DTNB: variants seen among roughly 807,000 people sequenced by gnomAD.
The protein encoded by DTNB is dystrobrevin beta.
In DTNB, 63 loss-of-function variants were observed where a neutral mutation model predicts 90.7. The ratio of observed to expected loss-of-function variants is 0.69; its 90% CI spans 0.57 to 0.86. The LOEUF is 0.86. Among genes scored for constraint, DTNB ranks in the 40% least tolerant of loss-of-function variants. The pLI, the probability that DTNB is intolerant of heterozygous loss-of-function variation, is 0.00. For missense variants in DTNB, 744 were observed against 807.1 expected, an observed-to-expected ratio of 0.92 and a Z score of 0.95; for synonymous variants, 277 against 286.7, an observed-to-expected ratio of 0.97 and a Z score of 0.34.
At chr2:25,534,526 T>C (rs911285325) in intron 8 of DTNB, among the ~76,000 whole-genome samples, 20 of 152,048 alleles carry the variant, frequency 1.3e-4, no homozygotes, top group African/African-American at 4.8e-4. Flanking sequence ...TCTTCGGAGC[T>C]GCTGGGTACA....
intron 8 of DTNB, among the ~76,000 whole-genome samples, chr2:25,538,452 T>C (rs2080351630): frequency 1.3e-5 from 2 of 152,126 alleles, no homozygotes; most frequent in Non-Finnish European, 2.9e-5. Flanking sequence ...AATGTGTTTG[T>C]ACAGTTTTCT....
chr2:25,664,539 G>A (rs570112624), intron 1 of DTNB, among the ~76,000 whole-genome samples: 4 of 152,220 alleles, frequency 2.6e-5, no homozygotes, highest in East Asian at 3.9e-4. Flanking sequence ...CTTACCGTAC[G>A]TGACAGACAT....
chr2:25,424,301 C>A lies in DTNB; in HGVS notation c.1554+3234G>T, dbSNP rs1272386601. On this transcript the variant is annotated intron_variant, in intron 15 of 20. Transcript: ENST00000406818. The surrounding 1 kb of genome is among the most constrained non-coding windows in gnomAD (Gnocchi z 4.1). ...ATCCTACAGGGGCAGCAGTGTCCTG[C>A]TTATTTTTCTGAAATTACTGCTGCA... Among the ~76,000 whole-genome samples the A allele has an allele frequency of 6.6e-6, 1 of 152,160 alleles. No individual in the cohort carries two copies. Among genetic ancestry groups the A allele is most frequent in the African/African-American group, 2.4e-5 (1 of 41,416 alleles).
rs1270629413 is a variant in DTNB at position 25,634,784 on chromosome 2, T to G, written c.148+4230A>C. Among the ~76,000 whole-genome samples the G allele has an allele frequency of 3.5e-5, 4 of 114,284 alleles. 1 individual carries two copies. Among genetic ancestry groups the G allele is most frequent in the Non-Finnish European group, 8.2e-5 (4 of 48,726 alleles). 75.0% of individuals were successfully genotyped at this position (114,284 alleles called of 152,430 possible). A position where few individuals can be genotyped will look rare whatever the true frequency, so the allele number is the denominator to read the frequency against. On this transcript the variant is annotated intron_variant, in intron 3 of 20. Coordinates refer to ENST00000406818, the MANE Select transcript of DTNB (RefSeq NM_021907.5). ...CCAACCCTGTGCTCTCTGAAACATG[T>G]GCTGTGTCCACTCAGGGTTAAATGG...
chr2:25,546,240 T>C (rs1206897324), intron 8 of DTNB, among the ~76,000 whole-genome samples: 3 of 152,204 alleles, frequency 2.0e-5, no homozygotes, highest in African/African-American at 7.2e-5. Flanking sequence ...ACAGGACCTT[T>C]CCCTATAATA....
chr2:25,596,324 CA>C (rs1325353104), intron 5 of DTNB, 84 bp from the exon 6 acceptor site: 4 of 1,353,112 alleles, frequency 3.0e-6, no homozygotes, highest in Middle Eastern at 4.5e-4. Context: ...GTATACCAAA[CA>C]AAAAGTATCA....
chr2:25,478,657 C>T (rs2064248355), intron 10 of DTNB, among the ~76,000 whole-genome samples: 1 of 152,048 alleles, frequency 6.6e-6, no homozygotes, highest in Non-Finnish European at 1.5e-5. Context: ...ACCTCAGCCT[C>T]CTCTCTCTCT....
chr2:25,582,450 G>A (rs989615355), intron 6 of DTNB, among the ~76,000 whole-genome samples: 1 of 152,078 alleles, frequency 6.6e-6, no homozygotes, highest in African/African-American at 2.4e-5. Flanking sequence ...TGCTTAATGG[G>A]GAATAGAAAA....
chr2:25,490,454 T>A (rs2150454707), intron 9 of DTNB, among the ~76,000 whole-genome samples: 1 of 152,256 alleles, frequency 6.6e-6, no homozygotes, highest in Admixed American at 6.5e-5. Context: ...AATATGTCCA[T>A]CAAAGATCTT....
At chr2:25,554,499 G>T (rs1257251255) in intron 8 of DTNB, among the ~76,000 whole-genome samples, 1 of 152,064 alleles carries the variant, frequency 6.6e-6, no homozygotes, top group African/African-American at 2.4e-5. Flanking sequence ...AGCCAGCTTG[G>T]AGAGTAATTT....
At chr2:25,385,183 ATCCTT>A (rs2039130983) in intron 18 of DTNB, among the ~76,000 whole-genome samples, 1 of 152,120 alleles carries the variant, frequency 6.6e-6, no homozygotes, top group African/African-American at 2.4e-5. Flanking sequence ...TGTGGCCTCG[ATCCTT>A]TCCAATTCTA....
Position 25,550,114 on chromosome 2 carries a change from G to A in DTNB, c.877-18517C>T, listed in dbSNP as rs543861531. On this transcript the variant is annotated intron_variant, in intron 8 of 20. Transcript: ENST00000406818. ...TAAAGACGCTATGCTATTGTTGGCC[G>A]GGCGCGGTGGCTCACGCCTGTAATC... is the stretch of plus-strand genomic sequence containing the variant. 3.9e-5 allele frequency among the ~76,000 whole-genome samples: 6 copies of A among 152,224 alleles called. No homozygotes were observed. The East Asian group carries it at 7.7e-4, about 20-fold the overall frequency.
At chr2:25,639,358 G>A (rs549060092) in intron 2 of DTNB, 4 of 298,454 alleles carry the variant, frequency 1.3e-5, no homozygotes, top group East Asian at 1.1e-4. Flanking sequence ...CACTTATGAG[G>A]TGAGTGAGTG....
At chr2:25,546,391 T>C (rs1293784081) in intron 8 of DTNB, among the ~76,000 whole-genome samples, 2 of 152,264 alleles carry the variant, frequency 1.3e-5, no homozygotes, top group African/African-American at 2.4e-5. Flanking sequence ...TGGTAGATTT[T>C]GTAAGTTTTC....
chr2:25,383,651 A>C, intron 19 of DTNB, 185 bp downstream of exon 19: 1 of 1,304,380 alleles, frequency 7.7e-7, no homozygotes, highest in Non-Finnish European at 1.0e-6. Flanking sequence ...TTGGTGATCG[A>C]CTGACCTTGT....
At chr2:25,656,028 T>C (rs1472416571) in intron 1 of DTNB, among the ~76,000 whole-genome samples, 2 of 152,154 alleles carry the variant, frequency 1.3e-5, no homozygotes, top group African/African-American at 4.8e-5. Context: ...TGAAAACAAA[T>C]CTCGTATTTG....
At chr2:25,523,762 T>C (rs2076578468) in intron 9 of DTNB, among the ~76,000 whole-genome samples, 1 of 152,180 alleles carries the variant, frequency 6.6e-6, no homozygotes, top group Admixed American at 6.5e-5. Flanking sequence ...ACTAAAACTC[T>C]TTATGTCCTC....
chr2:25,636,958 A>C (rs989728461), intron 3 of DTNB, among the ~76,000 whole-genome samples: 1 of 151,994 alleles, frequency 6.6e-6, no homozygotes, highest in African/African-American at 2.4e-5. Context: ...CTTAAAGTAG[A>C]GTAGAATTTA....
intron 1 of DTNB, among the ~76,000 whole-genome samples, chr2:25,658,853 A>G (rs949538476): frequency 1.1e-4 from 16 of 152,252 alleles, no homozygotes; most frequent in Middle Eastern, 3.2e-3. Flanking sequence ...GAAACATGAC[A>G]CTATGTGTTT....
Sources: allele counts gnomAD v4.1 joint callset (sites outside exome capture counted in the v4.1 genomes callset), GRCh38; gene constraint gnomAD v4.1.1; non-coding constraint Gnocchi (gnomAD v3.1); transcripts MANE v1.5; gene names NCBI Gene and HGNC (gene_info 2026-07-23, HGNC 2026-07-21).